The following STIL variants were observed in gnomAD, a reference collection of about 807,000 sequenced individuals.
STIL encodes STIL centriolar assembly protein.
Under a neutral mutation model 110.1 loss-of-function variants are expected in STIL, and 55 were observed. The observed-to-expected ratio is 0.50, with a 90% CI of 0.40 to 0.63. The LOEUF (loss-of-function observed/expected upper bound fraction) is 0.63. Ranked by LOEUF, STIL falls within the 20% of genes least tolerant of loss-of-function variation. STIL has a pLI of 0.00. For missense variants in STIL, 1,358 were observed against 1,530.0 expected, an observed-to-expected ratio of 0.89 and a Z score of 1.87; for synonymous variants, 481 against 530.0, an observed-to-expected ratio of 0.91 and a Z score of 1.27.
At position 47,280,668 on chromosome 1, in the gene STIL, T is replaced by G; in HGVS notation, c.1790A>C (p.Tyr597Ser). Residue 597 changes from tyrosine to serine, a missense_variant, in exon 12 of 17, where the codon TAC (tyrosine) becomes TCC (serine). By Grantham distance (144) the Tyr-to-Ser change is moderately radical. Transcript: ENST00000371877. ...ACACCTGCAAACGTTTGTGGAACAG[T>G]AAGATGGCAGTGGGGGAGTAGGTAT... ...LQIPTPPLPSYCSTNVCRCCQ... is the reference protein window; with the variant it reads ...LQIPTPPLPSSCSTNVCRCCQ... The G allele has an allele frequency of 6.2e-7, 1 of 1,614,188 alleles. No individual in the cohort carries two copies. The highest frequency in any genetic ancestry group is 8.5e-7 in the Non-Finnish European group (1 of 1,180,048).
chr1:47,302,479 G>A, intron 3 of STIL, 133 bp from the exon 4 acceptor site: 4 of 773,592 alleles, frequency 5.2e-6, no homozygotes, highest in Non-Finnish European at 6.6e-6. Flanking sequence ...GGAAATCCCA[G>A]GGTCAAAGGC....
intron 14 of STIL, among the ~76,000 whole-genome samples, chr1:47,268,620 T>C (rs1406157546): frequency 2.0e-5 from 3 of 151,678 alleles, no homozygotes; most frequent in Non-Finnish European, 4.4e-5. Context: ...TAGCCCAGCA[T>C]GGTGGCAGGT....
chr1:47,274,687 C>G (rs1052308227), intron 12 of STIL, among the ~76,000 whole-genome samples: 10 of 149,632 alleles, frequency 6.7e-5, no homozygotes, highest in African/African-American at 2.5e-4. Flanking sequence ...TCTCCTCAAG[C>G]TGCATCTTCT....
At chr1:47,287,767 C>T in intron 9 of STIL, 107 bp from the exon 10 acceptor site, 1 of 844,530 alleles carries the variant, frequency 1.2e-6, no homozygotes, top group Non-Finnish European at 2.0e-6. Flanking sequence ...GAGTGGCAGA[C>T]TTCTGATTTC....
chr1:47,251,095 G>A lies in STIL; in HGVS notation c.*41C>T. ...CTGTTTTCCCTAAGTATCTTCAGGA[G>A]ACACCCTGTCCCTGTATTAAAAGGG... is the stretch of plus-strand genomic sequence containing the variant. On this transcript the variant is annotated 3_prime_UTR_variant, in exon 17 of 17. Coordinates refer to ENST00000371877, the MANE Select transcript of STIL (RefSeq NM_001048166.1). 6.3e-7 allele frequency: 1 copy of A among 1,581,940 alleles called. No individual in the cohort carries two copies. The highest frequency in any genetic ancestry group is 8.6e-7 in the Non-Finnish European group (1 of 1,158,850).
intron 14 of STIL, among the ~76,000 whole-genome samples, chr1:47,265,443 A>G (rs1212081703): frequency 6.6e-6 from 1 of 151,854 alleles, no homozygotes; most frequent in African/African-American, 2.4e-5. Context: ...CCCATGGGGA[A>G]CCAGACACTG....
intron 2 of STIL, among the ~76,000 whole-genome samples, chr1:47,306,196 G>A (rs1284484303): frequency 2.0e-5 from 3 of 150,338 alleles, no homozygotes; most frequent in African/African-American, 7.3e-5. Flanking sequence ...TCCCTTTTAA[G>A]TAACAGAAAA....
intron 16 of STIL, among the ~76,000 whole-genome samples, chr1:47,257,473 G>C (rs1644360535): frequency 6.6e-6 from 1 of 152,128 alleles, no homozygotes; most frequent in Non-Finnish European, 1.5e-5. Flanking sequence ...CAGCCTGGGT[G>C]ACAGGCCTGG....
At chr1:47,302,378 T>C in intron 3 of STIL, 32 bp from the exon 4 acceptor site, 3 of 1,503,878 alleles carry the variant, frequency 2.0e-6, no homozygotes, top group Admixed American at 1.7e-5. Context: ...ATGAATATGG[T>C]AGACCTCATA....
intron 12 of STIL, among the ~76,000 whole-genome samples, chr1:47,278,610 T>C (rs1645056614): frequency 6.6e-6 from 1 of 152,118 alleles, no homozygotes; most frequent in South Asian, 2.1e-4. Context: ...TTATTTTCAA[T>C]GTAAAAATAT....
intron 16 of STIL, among the ~76,000 whole-genome samples, chr1:47,257,167 T>C (rs1238366661): frequency 1.3e-5 from 2 of 152,184 alleles, no homozygotes; most frequent in Non-Finnish European, 2.9e-5. Flanking sequence ...TGGTAGAGAA[T>C]GGTAGGACAT....
chr1:47,251,516 C>G lies in STIL; in HGVS notation c.3487G>C (p.Glu1163Gln). Residue 1163 changes from glutamate (E) to glutamine (Q), a missense_variant, in exon 17 of 17, where the codon GAA (glutamate) becomes CAA (glutamine). Transcript: ENST00000371877. ...LLNQNLRSIP[E>Q]QLGGQKEPSK... ...GGCTCTTTCTGACCACCAAGCTGTT[C>G]AGGTATGGACCTAAGGTTCTGATTC... The G allele has an allele frequency of 1.9e-6, 3 of 1,614,170 alleles. No individual in the cohort carries two copies. The highest frequency in any genetic ancestry group is 2.5e-6 in the Non-Finnish European group (3 of 1,180,032).
At chr1:47,275,110 C>T (rs925663874) in intron 12 of STIL, among the ~76,000 whole-genome samples, 1 of 151,620 alleles carries the variant, frequency 6.6e-6, no homozygotes, top group Admixed American at 6.6e-5. Context: ...TGAGCCAGTG[C>T]CCTCCAGCCT....
intron 12 of STIL, among the ~76,000 whole-genome samples, chr1:47,276,025 CAG>C (rs1644981513): frequency 2.0e-5 from 3 of 148,720 alleles, no homozygotes; most frequent in East Asian, 4.0e-4. Context: ...CTTTTTGAGA[CAG>C]AGTCTAGCTC....
At chr1:47,263,320 G>C (rs769951968) in intron 14 of STIL, among the ~76,000 whole-genome samples, 1 of 152,202 alleles carries the variant, frequency 6.6e-6, no homozygotes, top group Non-Finnish European at 1.5e-5. Context: ...CAAGGCAAGA[G>C]AAGTTTGAGG....
At chr1:47,290,357 C>A (rs758538436) in intron 8 of STIL, among the ~76,000 whole-genome samples, 11 of 152,200 alleles carry the variant, frequency 7.2e-5, no homozygotes, top group Admixed American at 1.3e-4. Flanking sequence ...ATGTGTTTCT[C>A]TATGTATTTT....
At chr1:47,270,621 A>T (rs1644807116) in intron 13 of STIL, among the ~76,000 whole-genome samples, 1 of 151,454 alleles carries the variant, frequency 6.6e-6, no homozygotes. Context: ...GACATCTGTA[A>T]TATCTGTAAT....
chr1:47,298,270 T>C (rs749907314), intron 6 of STIL, among the ~76,000 whole-genome samples: 6 of 152,238 alleles, frequency 3.9e-5, no homozygotes, highest in Non-Finnish European at 7.3e-5. Context: ...GAGCAGTCTC[T>C]GGTCAAACTT....
chr1:47,287,619 C>G lies in STIL; in HGVS notation c.1065G>C (p.Leu355=), dbSNP rs768080437. 2.5e-6 allele frequency: 4 copies of G among 1,613,030 alleles called. No homozygotes were observed. Among genetic ancestry groups the G allele is most frequent in the Non-Finnish European group, 3.4e-6 (4 of 1,179,470 alleles). The change falls in exon 10 of 17, where the codon CTG becomes CTC. Residue 355 remains leucine (L), a synonymous_variant. Coordinates refer to ENST00000371877, the MANE Select transcript of STIL (RefSeq NM_001048166.1). ...PPDKNPIRCE[L]SAESQNAETE... is the part of the protein sequence containing the mutation. ...TTTCTGCATTTTGGCTTTCAGCGCT[C>G]AGTTCACAACGGATTGGATTTTTGT... is the stretch of plus-strand genomic sequence containing the variant.
Sources: allele counts gnomAD v4.1 joint callset (sites outside exome capture counted in the v4.1 genomes callset), GRCh38; gene constraint gnomAD v4.1.1; transcripts MANE v1.5; gene names NCBI Gene and HGNC (gene_info 2026-07-23, HGNC 2026-07-21).